Variants in SDSL observed in about 807,000 individuals in gnomAD.
SDSL encodes the protein serine dehydratase like.
In SDSL, 26 loss-of-function variants were observed where a neutral mutation model predicts 27.6. That is an observed-to-expected ratio of 0.94 (90% CI 0.69 to 1.31). The LOEUF is 1.31. SDSL is among the 50% of genes most tolerant of loss of function. SDSL has a pLI of 0.00. For missense variants in SDSL, 431 were observed against 423.5 expected (o/e 1.02, Z -0.16); for synonymous variants, 196 against 180.6 (o/e 1.09, Z -0.69).
chr12:113,432,690 G>A (rs114912456), intron 4 of SDSL, among the ~76,000 whole-genome samples: 4,269 of 152,248 alleles, frequency 0.028, 195 homozygotes, highest in African/African-American at 0.097. Context: ...CACTTTTGGA[G>A]TCCCCAGTGT....
intron 5 of SDSL, among the ~76,000 whole-genome samples, chr12:113,434,756 G>A (rs1957968659): frequency 6.6e-6 from 1 of 152,174 alleles, no homozygotes; most frequent in Non-Finnish European, 1.5e-5. Flanking sequence ...TTGGGATAAT[G>A]TCCAAGAAAG....
chr12:113,425,826 A>C (rs1957842557), intron 1 of SDSL: 1 of 416,460 alleles, frequency 2.4e-6, no homozygotes, highest in Admixed American at 2.9e-5. Context: ...CGTCTCTACA[A>C]AAAATACAAA....
intron 4 of SDSL, among the ~76,000 whole-genome samples, chr12:113,432,525 A>G (rs909206622): frequency 5.3e-5 from 8 of 151,748 alleles, no homozygotes; most frequent in Non-Finnish European, 8.8e-5. Context: ...GTATTTTAGT[A>G]GAGACGGGGT....
intron 4 of SDSL, among the ~76,000 whole-genome samples, chr12:113,432,812 T>G (rs564044679): frequency 4.9e-4 from 74 of 152,334 alleles, no homozygotes; most frequent in South Asian, 1.0e-3. Context: ...CTTAGAATAA[T>G]TGCCTCCAGC....
chr12:113,426,229 T>A (rs750701041), intron 1 of SDSL: 5 of 455,790 alleles, frequency 1.1e-5, no homozygotes, highest in Non-Finnish European at 2.2e-5. Context: ...TGGCTGCTGT[T>A]CTCTGTAGGA....
intron 5 of SDSL, 23 bp downstream of exon 5, chr12:113,434,245 C>T: frequency 1.3e-6 from 2 of 1,559,184 alleles, no homozygotes; most frequent in Middle Eastern, 1.7e-4. Context: ...CCCCTCTCCC[C>T]AGGAGTCCAG....
At chr12:113,427,743 A>G (rs962400252) in intron 1 of SDSL, among the ~76,000 whole-genome samples, 27 of 152,174 alleles carry the variant, frequency 1.8e-4, no homozygotes, top group African/African-American at 6.3e-4. Context: ...GCACAGCCAC[A>G]CTTATGGAAT....
rs532369908 is a variant in SDSL, at chr12:113,430,294, CAA to C, written c.354+997_354+998del. Among the ~76,000 whole-genome samples, 7 of 152,262 alleles carry C rather than the reference CAA, an allele frequency of 4.6e-5. No individual in the cohort carries two copies. In the South Asian group the frequency reaches 1.5e-3, roughly 32 times the overall value. On this transcript the variant is annotated intron_variant, in intron 4 of 7. Coordinates refer to ENST00000403593, the MANE Select transcript of SDSL (RefSeq NM_001304993.2). The stretch of plus-strand genomic sequence containing the variant: ...CACACAGGTAACCAGATGATGGTAA[CAA>C]AGTGTGAAAAGTGTTGCCACGGGGG...
chr12:113,426,283 C>G (rs1352295578), intron 1 of SDSL: 6 of 455,730 alleles, frequency 1.3e-5, no homozygotes, highest in Non-Finnish European at 2.6e-5. Context: ...TTCAAAGTTC[C>G]CCTTTCAAGA....
chr12:113,426,901 T>G (rs1458646816), intron 1 of SDSL, among the ~76,000 whole-genome samples: 1 of 152,214 alleles, frequency 6.6e-6, no homozygotes, highest in Non-Finnish European at 1.5e-5. Flanking sequence ...ATTACAGTAC[T>G]GCACTCCAGC....
At chr12:113,427,817 T>C in intron 1 of SDSL, 145 bp from the exon 2 acceptor site, 1 of 691,866 alleles carries the variant, frequency 1.4e-6, no homozygotes, top group Non-Finnish European at 2.4e-6. Flanking sequence ...GAGTCACAGA[T>C]ACTTGATGGG....
chr12:113,428,683 G>T (rs1277539977), intron 3 of SDSL, among the ~76,000 whole-genome samples: 1 of 152,144 alleles, frequency 6.6e-6, no homozygotes, highest in Non-Finnish European at 1.5e-5. Context: ...TAAGCTACAG[G>T]CTCTAAGAAT....
intron 4 of SDSL, among the ~76,000 whole-genome samples, chr12:113,432,046 C>T (rs976017951): frequency 6.6e-5 from 10 of 151,410 alleles, no homozygotes; most frequent in South Asian, 2.1e-4. Context: ...TAAACTGCTG[C>T]GCCCAGCCTA....
intron 6 of SDSL, among the ~76,000 whole-genome samples, chr12:113,435,978 G>A (rs1355877466): frequency 6.6e-6 from 1 of 152,092 alleles, no homozygotes; most frequent in Non-Finnish European, 1.5e-5. Flanking sequence ...AAAATTACCT[G>A]GGCATGGTAG....
chr12:113,432,635 C>G (rs1416285285), intron 4 of SDSL, among the ~76,000 whole-genome samples: 1 of 152,112 alleles, frequency 6.6e-6, no homozygotes, highest in Admixed American at 6.5e-5. Context: ...CCACTGCGCC[C>G]AGCTGACAGG....
intron 1 of SDSL, 39 bp from the exon 2 acceptor site, chr12:113,427,923 T>C: frequency 2.6e-6 from 4 of 1,548,126 alleles, no homozygotes; most frequent in Non-Finnish European, 3.5e-6. Flanking sequence ...GAACTCTTGA[T>C]GGGGACTGCC....
chr12:113,428,461 T>C lies in SDSL; in HGVS notation c.214+2T>C, dbSNP rs900123904. The C allele has an allele frequency of 1.2e-6, 2 of 1,611,164 alleles. No individual in the cohort carries two copies. Among genetic ancestry groups the C allele is most frequent in the African/African-American group, 2.7e-5 (2 of 74,704 alleles). The stretch of plus-strand genomic sequence containing the variant: ...GCAGACACCTGGTGTGCTCCTCAGG[T>C]GACCCCACCTTTTTTTGTTTCATGG... On this transcript the variant is annotated splice_donor_variant, in intron 3 of 7. Transcript: ENST00000403593. LOFTEE classifies it high-confidence loss of function.
intron 7 of SDSL, 27 bp from the exon 8 acceptor site, chr12:113,437,859 C>A: frequency 6.4e-7 from 1 of 1,560,098 alleles, no homozygotes; most frequent in South Asian, 1.2e-5. Context: ...CCCTTTCCTT[C>A]CTCTCTCCAT....
At position 113,432,270 on chromosome 12, in the gene SDSL, T is replaced by TTCTCTC. The variant is rs1180524457; in HGVS notation, c.355-1861_355-1860insCTCTCT. Among the ~76,000 whole-genome samples the TTCTCTC allele has an allele frequency of 2.5e-3, 296 of 116,336 alleles. 6 individuals carry two copies. The highest frequency in any genetic ancestry group is 9.0e-3 in the African/African-American group (281 of 31,290). 76.3% of individuals were successfully genotyped at this position (116,336 alleles called of 152,430 possible). A position where few individuals can be genotyped will look rare whatever the true frequency, so the allele number is the denominator to read the frequency against. On this transcript the variant is annotated intron_variant, in intron 4 of 7. Transcript: ENST00000403593. The stretch of plus-strand genomic sequence containing the variant: ...TTTCTTTCTTTCTTTCTTTCTTTCT[T>TTCTCTC]TCTTTCTTTCTTTCTTTCTTTCTCT...
Sources: gnomAD v4.1 joint callset for allele counts (sites outside exome capture counted in the v4.1 genomes callset) on GRCh38, gnomAD v4.1.1 for gene constraint, MANE v1.5 for transcripts, NCBI Gene and HGNC (gene_info 2026-07-23, HGNC 2026-07-21) for gene names.